DOCK3: variants seen among roughly 807,000 people sequenced by gnomAD.
The protein encoded by DOCK3 is dedicator of cytokinesis 3.
DOCK3 carries 60 observed loss-of-function variants against 265.6 expected under a neutral mutation model. That is an observed-to-expected ratio of 0.23 (90% confidence interval 0.18 to 0.28). The LOEUF (loss-of-function observed/expected upper bound fraction) is 0.28. Among genes scored for constraint, DOCK3 ranks in the 10% least tolerant of loss-of-function variants. The probability of loss-of-function intolerance (pLI) is 1.00; values close to 1 mark genes in which losing one functional copy is unlikely to be tolerated. For synonymous variants in DOCK3, 881 were observed against 938.0 expected (o/e 0.94, Z 1.11); for missense variants, 1,981 against 2,594.3 (o/e 0.76, Z 5.14).
At chr3:50,715,906 A>G (rs2037078351) in intron 1 of DOCK3, among the ~76,000 whole-genome samples, 1 of 152,144 alleles carries the variant, frequency 6.6e-6, no homozygotes, top group East Asian at 1.9e-4. Context: ...CTAAAAATGT[A>G]TTATTTAATA....
At chr3:51,285,863 A>G (rs1052373267) in intron 27 of DOCK3, among the ~76,000 whole-genome samples, 2 of 152,160 alleles carry the variant, frequency 1.3e-5, no homozygotes, top group Non-Finnish European at 2.9e-5. Context: ...TGAACCCAGG[A>G]GGCAGAGGTT....
intron 5 of DOCK3, among the ~76,000 whole-genome samples, chr3:50,940,082 C>CAT (rs1166774176): frequency 1.3e-5 from 2 of 151,298 alleles, no homozygotes; most frequent in Admixed American, 6.6e-5. Context: ...CACAAACACA[C>CAT]ACACACATTC....
intron 5 of DOCK3, among the ~76,000 whole-genome samples, chr3:50,988,793 T>G (rs1295082880): frequency 6.6e-6 from 1 of 152,148 alleles, no homozygotes; most frequent in African/African-American, 2.4e-5. Flanking sequence ...GTGGCCAGAC[T>G]GTTATGTGGT....
chr3:50,874,509 A>G (rs1439077091), intron 3 of DOCK3, among the ~76,000 whole-genome samples: 1 of 149,510 alleles, frequency 6.7e-6, no homozygotes, highest in Non-Finnish European at 1.5e-5. Flanking sequence ...TATCTTAGAA[A>G]TAAATAAAGA....
chr3:51,106,449 A>G (rs985466351), intron 9 of DOCK3, among the ~76,000 whole-genome samples: 1 of 152,176 alleles, frequency 6.6e-6, no homozygotes, highest in African/African-American at 2.4e-5. Flanking sequence ...GCCGCTCTCT[A>G]TATCACTTTG....
At chr3:50,777,252 C>T (rs1576404985) in intron 1 of DOCK3, among the ~76,000 whole-genome samples, 2 of 152,094 alleles carry the variant, frequency 1.3e-5, no homozygotes, top group East Asian at 3.9e-4. Flanking sequence ...TACCATTTGG[C>T]TTTATTTCTG....
intron 32 of DOCK3, among the ~76,000 whole-genome samples, chr3:51,325,166 C>G (rs997064848): frequency 6.6e-6 from 1 of 151,924 alleles, no homozygotes; most frequent in African/African-American, 2.4e-5. Context: ...TGCAATCTAT[C>G]CATCTGACAA....
chr3:50,825,995 A>G (rs763783409), intron 2 of DOCK3, among the ~76,000 whole-genome samples: 1 of 151,994 alleles, frequency 6.6e-6, no homozygotes, highest in African/African-American at 2.4e-5. Flanking sequence ...CTGCTCTGCA[A>G]GTAGTTGATA....
intron 2 of DOCK3, among the ~76,000 whole-genome samples, chr3:50,830,652 T>G (rs535393482): frequency 4.6e-5 from 7 of 152,318 alleles, no homozygotes; most frequent in Non-Finnish European, 1.0e-4. Flanking sequence ...TTCATTCTTT[T>G]GGGTTCACAC....
At chr3:51,303,355 A>G (rs1200503178) in intron 27 of DOCK3, among the ~76,000 whole-genome samples, 1 of 152,186 alleles carries the variant, frequency 6.6e-6, no homozygotes, top group African/African-American at 2.4e-5. Flanking sequence ...GAGTTAGAAC[A>G]TGCTCCTTTA....
intron 4 of DOCK3, among the ~76,000 whole-genome samples, chr3:50,933,693 G>C (rs2051195491): frequency 6.6e-6 from 1 of 151,796 alleles, no homozygotes; most frequent in Non-Finnish European, 1.5e-5. Flanking sequence ...GTTTTTCATT[G>C]AAGGAAAAAA....
At chr3:50,922,517 C>G (rs2050540693) in intron 4 of DOCK3, among the ~76,000 whole-genome samples, 1 of 152,216 alleles carries the variant, frequency 6.6e-6, no homozygotes, top group African/African-American at 2.4e-5. Flanking sequence ...TGGGGCAATG[C>G]CCCGCCCTGC....
intron 12 of DOCK3, among the ~76,000 whole-genome samples, chr3:51,164,839 A>T (rs2086308239): frequency 6.6e-6 from 1 of 151,792 alleles, no homozygotes; most frequent in African/African-American, 2.4e-5. Flanking sequence ...TGGGATAGAC[A>T]CTAGGCCTAT....
chr3:51,096,190 G>A (rs1053813461), intron 9 of DOCK3, among the ~76,000 whole-genome samples: 1 of 152,148 alleles, frequency 6.6e-6, no homozygotes, highest in Admixed American at 6.5e-5. Flanking sequence ...TTTCTTACTA[G>A]GTTGGGGAAG....
intron 6 of DOCK3, among the ~76,000 whole-genome samples, chr3:51,068,086 CTT>C (rs1173499009): frequency 2.6e-5 from 4 of 152,162 alleles, no homozygotes; most frequent in African/African-American, 9.7e-5. Context: ...ATTTTAAACT[CTT>C]ATGCCTTTTC....
At chr3:51,332,901 G>A in intron 33 of DOCK3, 100 bp from the exon 34 acceptor site, 1 of 1,512,684 alleles carries the variant, frequency 6.6e-7, no homozygotes. Context: ...CACCTCAGTG[G>A]CATCCTTAGG....
chr3:50,831,606 C>T (rs1487167269), intron 2 of DOCK3, among the ~76,000 whole-genome samples: 1 of 152,180 alleles, frequency 6.6e-6, no homozygotes, highest in Non-Finnish European at 1.5e-5. Context: ...ATATGTACTA[C>T]ATTTTCTTTA....
chr3:50,942,529 T>C (rs138985800), intron 5 of DOCK3, among the ~76,000 whole-genome samples: 57 of 152,128 alleles, frequency 3.7e-4, no homozygotes, highest in African/African-American at 1.3e-3. Flanking sequence ...GAAGAATCCT[T>C]TTTGGTATTA....
chr3:51,248,210 A>T (rs2078929520), intron 22 of DOCK3, among the ~76,000 whole-genome samples: 1 of 152,196 alleles, frequency 6.6e-6, no homozygotes, highest in Non-Finnish European at 1.5e-5. Flanking sequence ...ATTCTAATCA[A>T]TGTTGACACC....
Sources: gnomAD v4.1 joint callset for allele counts (sites outside exome capture counted in the v4.1 genomes callset) on GRCh38, gnomAD v4.1.1 for gene constraint, MANE v1.5 for transcripts, NCBI Gene and HGNC (gene_info 2026-07-23, HGNC 2026-07-21) for gene names.